SH3RF3: variants seen among roughly 807,000 people sequenced by gnomAD.
The protein encoded by SH3RF3 is E3 ubiquitin-protein ligase SH3RF3.
A neutral mutation model predicts 66.3 loss-of-function variants in SH3RF3; 29 were observed. The ratio of observed to expected loss-of-function variants is 0.44; its 90% CI spans 0.33 to 0.60. The LOEUF is 0.60. Ranked by LOEUF, SH3RF3 falls within the 20% of genes least tolerant of loss-of-function variation. SH3RF3 has a pLI of 0.04. For synonymous variants in SH3RF3, 583 were observed against 532.0 expected, an observed-to-expected ratio of 1.10 and a Z score of -1.32; for missense variants, 1,194 against 1,190.9, an observed-to-expected ratio of 1.00 and a Z score of -0.04.
chr2:109,210,844 C>CT (rs1678958228), intron 1 of SH3RF3, among the ~76,000 whole-genome samples: 1 of 152,228 alleles, frequency 6.6e-6, no homozygotes, highest in Non-Finnish European at 1.5e-5. Context: ...ATTTAAAAAT[C>CT]TATTTACAAC....
chr2:109,284,602 TAG>T (rs1392009010), intron 1 of SH3RF3, among the ~76,000 whole-genome samples: 2 of 152,210 alleles, frequency 1.3e-5, no homozygotes, highest in Non-Finnish European at 2.9e-5. Flanking sequence ...ATGAAGGGCA[TAG>T]AGTGGCATCT....
At chr2:109,183,275 G>C (rs919295534) in intron 1 of SH3RF3, among the ~76,000 whole-genome samples, 1 of 151,238 alleles carries the variant, frequency 6.6e-6, no homozygotes, top group Non-Finnish European at 1.5e-5. Flanking sequence ...TTAGTTTCAG[G>C]CTTGTGTATT....
At chr2:109,162,094 C>T (rs1395126920) in intron 1 of SH3RF3, among the ~76,000 whole-genome samples, 1 of 152,186 alleles carries the variant, frequency 6.6e-6, no homozygotes, top group African/African-American at 2.4e-5. Context: ...TGCTGGCTGG[C>T]AGAGACAGGA....
At chr2:109,368,376 A>G (rs1323577000) in intron 2 of SH3RF3, among the ~76,000 whole-genome samples, 2 of 152,236 alleles carry the variant, frequency 1.3e-5, no homozygotes, top group Non-Finnish European at 2.9e-5. Context: ...CTTCTTGGAC[A>G]TTCAAGTTTA....
intron 8 of SH3RF3, among the ~76,000 whole-genome samples, chr2:109,456,201 C>G (rs1419141769): frequency 6.6e-6 from 1 of 152,226 alleles, no homozygotes; most frequent in Non-Finnish European, 1.5e-5. Flanking sequence ...CCTGGCAGCT[C>G]TGCTGGTTAG....
chr2:109,475,058 ACCT>A (rs993056448), intron 8 of SH3RF3, among the ~76,000 whole-genome samples: 1 of 151,868 alleles, frequency 6.6e-6, no homozygotes, highest in Non-Finnish European at 1.5e-5. Flanking sequence ...GCTCACTGCA[ACCT>A]CCACCTCCCA....
At chr2:109,246,057 A>G (rs751808375) in intron 1 of SH3RF3, among the ~76,000 whole-genome samples, 11 of 152,220 alleles carry the variant, frequency 7.2e-5, no homozygotes, top group African/African-American at 1.7e-4. Context: ...TCATACTTCA[A>G]TTTTACACCT....
At chr2:109,203,949 A>G (rs1192067674) in intron 1 of SH3RF3, among the ~76,000 whole-genome samples, 1 of 152,186 alleles carries the variant, frequency 6.6e-6, no homozygotes, top group Non-Finnish European at 1.5e-5. Flanking sequence ...CTCCCAGCAG[A>G]GCATCTGCAC....
At chr2:109,164,511 C>A (rs1052968096) in intron 1 of SH3RF3, among the ~76,000 whole-genome samples, 1 of 152,160 alleles carries the variant, frequency 6.6e-6, no homozygotes, top group African/African-American at 2.4e-5. Flanking sequence ...TCTGTAGACT[C>A]TTCGGCCAAG....
chr2:109,399,057 C>T, intron 4 of SH3RF3, 114 bp downstream of exon 4: 1 of 1,220,526 alleles, frequency 8.2e-7, no homozygotes, highest in African/African-American at 1.5e-5. Flanking sequence ...CCAGAACTGC[C>T]TTTTGGGGTT....
intron 1 of SH3RF3, among the ~76,000 whole-genome samples, chr2:109,143,809 T>TACAC (rs33913705): frequency 0.025 from 3,773 of 148,764 alleles, 70 homozygotes; most frequent in African/African-American, 0.038. Flanking sequence ...CTGTGCTGTA[T>TACAC]ACACACACAC....
At chr2:109,428,462 G>A (rs960858976) in intron 5 of SH3RF3, among the ~76,000 whole-genome samples, 8 of 152,194 alleles carry the variant, frequency 5.3e-5, no homozygotes, top group African/African-American at 1.4e-4. Context: ...CAGCCGAGTC[G>A]GCCCAGCCGC....
chr2:109,129,842 TG>T lies in SH3RF3; in HGVS notation c.305del (p.Gly102AlafsTer168). ...CGCTGCCCCGAGTGCCGCATCCTGG[TG>T]GGCTGCGGCGTGGACGAACTGCCCG... Reference protein sequence around the residue: ...ELRCPECRILVGCGVDELPAN... With the variant: ...ELRCPECRILXGCGVDELPAN... On this transcript the variant is annotated frameshift_variant, in exon 1 of 10. Transcript: ENST00000309415. LOFTEE classifies it high-confidence loss of function. 6.5e-7 allele frequency: 1 copy of T among 1,532,622 alleles called. No homozygotes were observed. The allele number at this position is 1,532,622 out of a possible 1,614,324, so 94.9% of individuals were successfully genotyped here. A position where few individuals can be genotyped will look rare whatever the true frequency, so the allele number is the denominator to read the frequency against.
rs1558962774 is a variant in SH3RF3 at position 109,215,535 on chromosome 2, A to G, written c.573+85422A>G. On this transcript the variant is annotated intron_variant, in intron 1 of 9. Coordinates refer to ENST00000309415, the MANE Select transcript of SH3RF3 (RefSeq NM_001099289.3). ...GTACTCGGAGTGCACTCCTGCTTCT[A>G]TGTGGGTTCCTCTCGGGAGAGCCCC... 2.0e-5 allele frequency among the ~76,000 whole-genome samples: 3 copies of G among 151,958 alleles called. No homozygotes were observed. In the South Asian group the frequency reaches 6.2e-4, roughly 32 times the overall value.
At chr2:109,296,345 A>C (rs1009772549) in intron 1 of SH3RF3, among the ~76,000 whole-genome samples, 1 of 151,942 alleles carries the variant, frequency 6.6e-6, no homozygotes, top group Non-Finnish European at 1.5e-5. Context: ...CTCCTGCCTC[A>C]GCCTCCCGAG....
chr2:109,463,026 G>A (rs1213675993), intron 8 of SH3RF3, among the ~76,000 whole-genome samples: 4 of 152,190 alleles, frequency 2.6e-5, no homozygotes, highest in Non-Finnish European at 5.9e-5. Flanking sequence ...AACAGTGTAA[G>A]ATTTTGGTAT....
intron 4 of SH3RF3, among the ~76,000 whole-genome samples, chr2:109,419,166 T>C (rs1480635751): frequency 2.0e-5 from 3 of 152,204 alleles, no homozygotes. Context: ...AAATAAGCTC[T>C]GTTTCATAGC....
At chr2:109,454,527 G>A (rs941031663) in intron 8 of SH3RF3, among the ~76,000 whole-genome samples, 1 of 152,190 alleles carries the variant, frequency 6.6e-6, no homozygotes, top group Non-Finnish European at 1.5e-5. Context: ...GAGCGCTCCC[G>A]CCGGCTGCCT....
At chr2:109,282,134 C>G (rs1008974647) in intron 1 of SH3RF3, among the ~76,000 whole-genome samples, 1 of 152,062 alleles carries the variant, frequency 6.6e-6, no homozygotes, top group African/African-American at 2.4e-5. Flanking sequence ...TGCTTCCTCC[C>G]TAAGGAGCAG....
Sources: allele counts gnomAD v4.1 joint callset (sites outside exome capture counted in the v4.1 genomes callset), GRCh38; gene constraint gnomAD v4.1.1; transcripts MANE v1.5; gene names NCBI Gene and HGNC (gene_info 2026-07-23, HGNC 2026-07-21).